Variants in XYLB observed in about 807,000 individuals in gnomAD.
XYLB encodes xylulokinase, also known as xylulose kinase.
A neutral mutation model predicts 78.7 loss-of-function variants in XYLB; 62 were observed. The ratio of observed to expected loss-of-function variants is 0.79; its 90% CI spans 0.64 to 0.97. XYLB has a LOEUF of 0.97. Ranked by LOEUF, XYLB falls within the 50% of genes least tolerant of loss-of-function variation. XYLB has a pLI of 0.00. For synonymous variants in XYLB, 245 were observed against 247.4 expected (o/e 0.99, Z 0.09); for missense variants, 687 against 676.8 (o/e 1.02, Z -0.17).
At chr3:38,350,802 A>AT (rs1392309665) in intron 2 of XYLB, among the ~76,000 whole-genome samples, 2 of 151,860 alleles carry the variant, frequency 1.3e-5, no homozygotes, top group African/African-American at 4.8e-5. Flanking sequence ...CGTTCAAAAT[A>AT]TTTTTTAGTT....
chr3:38,351,698 C>T (rs572778913), intron 2 of XYLB, among the ~76,000 whole-genome samples: 13 of 152,330 alleles, frequency 8.5e-5, no homozygotes, highest in African/African-American at 2.9e-4. Flanking sequence ...TACCCCTACC[C>T]ACTGGCAACC....
At chr3:38,384,518 GTCT>G (rs1276073635) in intron 15 of XYLB, among the ~76,000 whole-genome samples, 3 of 152,218 alleles carry the variant, frequency 2.0e-5, no homozygotes, top group Non-Finnish European at 1.5e-5. Context: ...GGGGCTGAAT[GTCT>G]TCTTCTGGAC....
At chr3:38,352,933 A>C (rs766975879) in intron 2 of XYLB, among the ~76,000 whole-genome samples, 6 of 152,108 alleles carry the variant, frequency 3.9e-5, no homozygotes, top group Non-Finnish European at 7.4e-5. Context: ...GGGTTTCACC[A>C]TGTTAGCCAG....
intron 15 of XYLB, among the ~76,000 whole-genome samples, chr3:38,382,827 G>A (rs1470761585): frequency 6.6e-6 from 1 of 152,226 alleles, no homozygotes; most frequent in African/African-American, 2.4e-5. Flanking sequence ...GGCATTTCTT[G>A]TGCAAAACAG....
chr3:38,410,373 A>C (rs1708523605), intron 18 of XYLB, among the ~76,000 whole-genome samples: 1 of 152,234 alleles, frequency 6.6e-6, no homozygotes, highest in Admixed American at 6.5e-5. Flanking sequence ...CACCTTATAC[A>C]AAAATCAATT....
rs552583731 is a variant in XYLB at position 38,414,576 on chromosome 3, C to T, written c.*1563C>T. On this transcript the variant is annotated 3_prime_UTR_variant, in exon 19 of 19. Coordinates refer to ENST00000207870, the MANE Select transcript of XYLB (RefSeq NM_005108.4). ...AAATAATTGTGGATATAAAAGAACA[C>T]CAGAGATCAGAAATTCAAAAACTCA... 1 of 152,102 alleles carries T rather than the reference C, an allele frequency of 6.6e-6. No individual in the cohort carries two copies. Among genetic ancestry groups the T allele is most frequent in the African/African-American group, 2.4e-5 (1 of 41,486 alleles). The allele number at this position is 152,102 out of a possible 1,614,324, so 9.4% of individuals were successfully genotyped here.
At chr3:38,356,031 C>A in intron 2 of XYLB, 2 of 450,596 alleles carry the variant, frequency 4.4e-6, no homozygotes, top group African/African-American at 2.0e-5. Context: ...GCGGGCACAT[C>A]ACGAGGTCAG....
chr3:38,365,158 G>A (rs368448926), intron 4 of XYLB, 41 bp from the exon 5 acceptor site: 39 of 1,594,956 alleles, frequency 2.4e-5, no homozygotes, highest in African/African-American at 1.7e-4. Flanking sequence ...CTGTGACACT[G>A]GTGTGTGGTC....
At chr3:38,439,965 T>C in the XYLB span, among the ~76,000 whole-genome samples, 2 of 152,162 alleles carry the variant, frequency 1.3e-5, no homozygotes, top group Non-Finnish European at 2.9e-5. Flanking sequence ...AAAGAGTCTA[T>C]CTGGGATTGT....
chr3:38,405,421 AACAGCTCGGGTCT>A (rs1448782685), intron 18 of XYLB, among the ~76,000 whole-genome samples: 3 of 151,256 alleles, frequency 2.0e-5, no homozygotes, highest in Non-Finnish European at 2.9e-5. Flanking sequence ...GCCAAATAGG[AACAGCTCGGGTCT>A]ACAGCTCCCA....
chr3:38,437,028 A>G, the XYLB span, among the ~76,000 whole-genome samples: 1 of 146,936 alleles, frequency 6.8e-6, no homozygotes, highest in African/African-American at 2.5e-5. Context: ...AATAATAATA[A>G]TAATAATAAT....
downstream of XYLB, among the ~76,000 whole-genome samples, chr3:38,426,298 G>C (rs2125699516): frequency 6.6e-6 from 1 of 152,310 alleles, no homozygotes; most frequent in South Asian, 2.1e-4. Context: ...AGTTAGTCTA[G>C]AATATAGAAT....
At chr3:38,438,481 T>C in the XYLB span, among the ~76,000 whole-genome samples, 1 of 152,306 alleles carries the variant, frequency 6.6e-6, no homozygotes, top group African/African-American at 2.4e-5. Flanking sequence ...ACTAACATCA[T>C]TGTTCACAGA....
chr3:38,438,041 C>G, the XYLB span, among the ~76,000 whole-genome samples: 1 of 152,008 alleles, frequency 6.6e-6, no homozygotes. Flanking sequence ...AGTGACAGAG[C>G]AAGATTCTGT....
chr3:38,392,372 C>T (rs1707695942), intron 15 of XYLB, among the ~76,000 whole-genome samples: 1 of 152,184 alleles, frequency 6.6e-6, no homozygotes, highest in Non-Finnish European at 1.5e-5. Flanking sequence ...GATCTCGGCT[C>T]ACTGCAACCT....
chr3:38,390,413 C>T (rs1707598350), intron 15 of XYLB, among the ~76,000 whole-genome samples: 1 of 152,058 alleles, frequency 6.6e-6, no homozygotes, highest in South Asian at 2.1e-4. Flanking sequence ...GGGGTTTCAC[C>T]ATATTGGCCA....
chr3:38,370,029 CTGT>C, intron 8 of XYLB, 24 bp from the exon 9 acceptor site: 1 of 1,592,540 alleles, frequency 6.3e-7, no homozygotes, highest in Non-Finnish European at 8.6e-7. Context: ...TCAAGATTGT[CTGT>C]TGTTTGTTTC....
chr3:38,417,830 A>G (rs1299492970), downstream of XYLB, among the ~76,000 whole-genome samples: 1 of 149,416 alleles, frequency 6.7e-6, no homozygotes, highest in African/African-American at 2.5e-5. Flanking sequence ...CAGCGAGCTG[A>G]GATCTCGCCA....
chr3:38,399,210 C>T (rs1708022245), intron 17 of XYLB, among the ~76,000 whole-genome samples: 1 of 151,750 alleles, frequency 6.6e-6, no homozygotes, highest in Non-Finnish European at 1.5e-5. Context: ...GGTGATCTTC[C>T]CACCCCCACC....
Sources: allele counts gnomAD v4.1 joint callset (sites outside exome capture counted in the v4.1 genomes callset), GRCh38; gene constraint gnomAD v4.1.1; transcripts MANE v1.5; gene names NCBI Gene and HGNC (gene_info 2026-07-23, HGNC 2026-07-21).